POLR1D: variants seen among roughly 807,000 people sequenced by gnomAD.
POLR1D encodes the protein DNA-directed RNA polymerases I and III subunit RPAC2.
POLR1D carries 8 observed loss-of-function variants against 10.8 expected under a neutral mutation model. The ratio of observed to expected loss-of-function variants is 0.74; its 90% confidence interval spans 0.43 to 1.33. The LOEUF is 1.33. Ranked by LOEUF, POLR1D falls within the 40% of genes most tolerant of loss-of-function variation. POLR1D has a pLI of 0.01. For missense variants in POLR1D, 152 were observed against 161.7 expected (o/e 0.94, Z 0.32); for synonymous variants, 54 against 57.2 (o/e 0.94, Z 0.25).
chr13:27,633,141 T>C lies in POLR1D; in HGVS notation c.26+11132T>C, dbSNP rs115767851. On this transcript the variant is annotated intron_variant, in intron 1 of 2. Coordinates refer to the POLR1D transcript ENST00000399697. ...AGGCAAAGATAGAGTGCCAGAGGAG[T>C]AGCCTATGCAGTAGGAACCAAGCAG... is the stretch of plus-strand genomic sequence containing the variant. 6.6e-3 allele frequency among the ~76,000 whole-genome samples: 1,009 copies of C among 151,886 alleles called. 11 individuals carry two copies. The highest frequency in any genetic ancestry group is 0.023 in the African/African-American group (941 of 41,378).
Position 27,657,760 on chromosome 13 carries a change from A to G in POLR1D, c.102-7926A>G, listed in dbSNP as rs1289976076. Among the ~76,000 whole-genome samples, 7 of 152,222 alleles carry G rather than the reference A, an allele frequency of 4.6e-5. No homozygotes were observed. The South Asian group carries it at 1.2e-3, about 27-fold the overall frequency. On this transcript the variant is annotated intron_variant, in intron 2 of 2. Coordinates refer to the POLR1D transcript ENST00000399697. ...CATTAAAAATAAAAAGTTTATCTGC[A>G]TTTTTCTCTATCTCTCTCATAATGT... is the stretch of plus-strand genomic sequence containing the variant.
At chr13:27,635,695 A>G in intron 1 of POLR1D, among the ~76,000 whole-genome samples, 1 of 42,102 alleles carries the variant, frequency 2.4e-5, no homozygotes, top group East Asian at 5.3e-4. Flanking sequence ...TTACAAAGTA[A>G]CTATATATAT....
At chr13:27,628,199 G>A (rs577504), downstream of POLR1D, among the ~76,000 whole-genome samples, 58,649 of 152,040 alleles carry the variant, frequency 0.39, 12,251 homozygotes, top group Admixed American at 0.52. Flanking sequence ...AAGAAGAGGC[G>A]ATCAGGGCAG....
At chr13:27,627,298 A>G (rs1956022655), downstream of POLR1D, among the ~76,000 whole-genome samples, 1 of 147,300 alleles carries the variant, frequency 6.8e-6, no homozygotes, top group African/African-American at 2.5e-5. Flanking sequence ...TTTTTTTCTC[A>G]TGATGAAATT....
downstream of POLR1D, among the ~76,000 whole-genome samples, chr13:27,627,104 C>A (rs1780935138): frequency 6.6e-6 from 1 of 152,190 alleles, no homozygotes; most frequent in Non-Finnish European, 1.5e-5. Flanking sequence ...AATTTAGAGT[C>A]ATTCTTTGTA....
At chr13:27,665,913 G>C (rs1593297071) in exon 3 of POLR1D, 2 of 1,614,106 alleles carry the variant, frequency 1.2e-6, no homozygotes, top group Admixed American at 3.3e-5. Context: ...CGAAAGCGGA[G>C]CAGCCAGGAC....
chr13:27,659,880 A>G (rs1956344512), intron 2 of POLR1D, among the ~76,000 whole-genome samples: 1 of 150,636 alleles, frequency 6.6e-6, no homozygotes, highest in Non-Finnish European at 1.5e-5. Context: ...TACAGTGCTT[A>G]GCATAATGCG....
chr13:27,656,104 C>T (rs999401421), intron 2 of POLR1D, among the ~76,000 whole-genome samples: 5 of 152,088 alleles, frequency 3.3e-5, no homozygotes, highest in Non-Finnish European at 5.9e-5. Context: ...AAGGTAGAAA[C>T]CTCCCTCAGC....
At chr13:27,659,062 T>G (rs542331780) in intron 2 of POLR1D, among the ~76,000 whole-genome samples, 1 of 152,302 alleles carries the variant, frequency 6.6e-6, no homozygotes, top group East Asian at 1.9e-4. Flanking sequence ...GGATTGAGAG[T>G]CAATCTAGAG....
At chr13:27,631,055 G>C (rs1956068085) in intron 1 of POLR1D, among the ~76,000 whole-genome samples, 1 of 152,324 alleles carries the variant, frequency 6.6e-6, no homozygotes, top group African/African-American at 2.4e-5. Context: ...TTTGCTCAGA[G>C]AGACCATCCT....
chr13:27,628,771 C>T (rs904677168), intron 1 of POLR1D, among the ~76,000 whole-genome samples: 2 of 152,228 alleles, frequency 1.3e-5, no homozygotes, highest in Non-Finnish European at 2.9e-5. Context: ...GAGTTGTTTT[C>T]GATTGGCTGA....
At chr13:27,646,866 A>C (rs1373762094) in intron 1 of POLR1D, among the ~76,000 whole-genome samples, 1 of 152,182 alleles carries the variant, frequency 6.6e-6, no homozygotes, top group Non-Finnish European at 1.5e-5. Context: ...GTCTTTTTAA[A>C]CTATGTGCAT....
At position 27,642,160 on chromosome 13, in the gene POLR1D, A is replaced by G. The variant is rs553693024; in HGVS notation, c.27-6219A>G. Among the ~76,000 whole-genome samples, 3 of 152,348 alleles carry G rather than the reference A, an allele frequency of 2.0e-5. No homozygotes were observed. The East Asian group carries it at 5.8e-4, about 29-fold the overall frequency. ...GCAAAAGAATAATATTGGAAGCTAA[A>G]CAAAGGCCATTTATCTCTGATCAGT... On this transcript the variant is annotated intron_variant, in intron 1 of 2. Coordinates refer to the POLR1D transcript ENST00000399697.
downstream of POLR1D, among the ~76,000 whole-genome samples, chr13:27,626,988 C>T (rs147485694): frequency 3.5e-3 from 526 of 152,286 alleles, 5 homozygotes; most frequent in African/African-American, 0.012. Context: ...TATCAAGTTC[C>T]GTGGCCTACC....
intron 1 of POLR1D, among the ~76,000 whole-genome samples, chr13:27,630,878 C>G (rs1428354593): frequency 3.3e-5 from 5 of 152,204 alleles, no homozygotes; most frequent in African/African-American, 7.2e-5. Flanking sequence ...CCGCCTCCCC[C>G]ACCCTGCTGT....
intron 1 of POLR1D, among the ~76,000 whole-genome samples, chr13:27,647,391 A>G (rs1434490367): frequency 2.0e-5 from 3 of 151,504 alleles, no homozygotes; most frequent in South Asian, 2.1e-4. Flanking sequence ...TATTATTATT[A>G]TTTTTATTTT....
intron 1 of POLR1D, 64 bp downstream of exon 1, chr13:27,622,073 C>G: frequency 3.5e-6 from 5 of 1,439,624 alleles, no homozygotes; most frequent in Non-Finnish European, 4.8e-6. Context: ...GGCCGAGGGG[C>G]ACGCTGCCTG....
rs146269755 is a variant in POLR1D at position 27,657,946 on chromosome 13, C to T, written c.102-7740C>T. On this transcript the variant is annotated intron_variant, in intron 2 of 2. Transcript: ENST00000399697. ...AAAGGAGGTCTGGACCCATGACAAC[C>T]GTGGCTTGCTTCTACTCACTAGTGC... Among the ~76,000 whole-genome samples, 31 of 152,290 alleles carry T rather than the reference C, an allele frequency of 2.0e-4. No homozygotes were observed. The East Asian group carries it at 5.2e-3, about 26-fold the overall frequency.
chr13:27,644,650 G>A (rs954961607), intron 1 of POLR1D, among the ~76,000 whole-genome samples: 2 of 152,128 alleles, frequency 1.3e-5, no homozygotes, highest in Non-Finnish European at 2.9e-5. Flanking sequence ...GTTTTACAAA[G>A]AAACCTTCAA....
Sources: allele counts gnomAD v4.1 joint callset (sites outside exome capture counted in the v4.1 genomes callset), GRCh38; gene constraint gnomAD v4.1.1; transcripts MANE v1.5; gene names NCBI Gene and HGNC (gene_info 2026-07-23, HGNC 2026-07-21).